The following QSER1 variants were observed in gnomAD, a reference collection of about 807,000 sequenced individuals.
QSER1 encodes glutamine and serine rich 1.
QSER1 carries 49 observed loss-of-function variants against 158.5 expected under a neutral mutation model. The observed-to-expected ratio is 0.31, with a 90% CI of 0.25 to 0.39. The LOEUF (loss-of-function observed/expected upper bound fraction) is 0.39. Ranked by LOEUF, QSER1 falls within the 10% of genes least tolerant of loss-of-function variation. The pLI is 1.00. For missense variants in QSER1, 1,754 were observed against 2,010.3 expected (o/e 0.87, Z 2.44); for synonymous variants, 650 against 715.5 (o/e 0.91, Z 1.46).
intron 10 of QSER1, among the ~76,000 whole-genome samples, 185 bp from the exon 11 acceptor site, chr11:32,973,212 G>A (rs1034602812): frequency 6.6e-6 from 1 of 152,098 alleles, no homozygotes; most frequent in Non-Finnish European, 1.5e-5. Context: ...CCCAACCTGT[G>A]TATGTATATG....
intron 1 of QSER1, among the ~76,000 whole-genome samples, chr11:32,923,088 A>C (rs1344442641): frequency 1.3e-5 from 2 of 152,212 alleles, no homozygotes; most frequent in African/African-American, 2.4e-5. Context: ...CTGTGGTACA[A>C]CCATGCAATG....
intron 8 of QSER1, among the ~76,000 whole-genome samples, chr11:32,965,988 A>ACACACACACACACACAC (rs1852739131): frequency 1.2e-4 from 4 of 33,942 alleles, no homozygotes; most frequent in African/African-American, 2.0e-4. Context: ...CACACACACG[A>ACACACACACACACACAC]ATCACCTAGG....
intron 12 of QSER1, chr11:32,975,700 CCTTA>C (rs1742380656): frequency 9.2e-7 from 1 of 1,091,418 alleles, no homozygotes; most frequent in Non-Finnish European, 1.1e-6. Flanking sequence ...CATCTCACTG[CCTTA>C]CTTATTACTT....
intron 1 of QSER1, among the ~76,000 whole-genome samples, chr11:32,911,633 G>A (rs117032357): frequency 0.019 from 2,963 of 152,178 alleles, 44 homozygotes; most frequent in South Asian, 0.038. Flanking sequence ...AGGAGTTCTC[G>A]TGAGATCTGA....
chr11:32,907,685 C>T (rs1023773648), intron 1 of QSER1, among the ~76,000 whole-genome samples: 2 of 152,188 alleles, frequency 1.3e-5, no homozygotes, highest in Admixed American at 1.3e-4. Context: ...TAAGAGATAA[C>T]CATCCAGGGC....
chr11:32,902,969 C>T (rs754189614), intron 1 of QSER1, among the ~76,000 whole-genome samples: 2 of 152,052 alleles, frequency 1.3e-5, no homozygotes, highest in East Asian at 1.9e-4. Flanking sequence ...CTTCAGAGAC[C>T]GTGCTATTAA....
chr11:32,952,682 T>C (rs1273030546), intron 4 of QSER1, among the ~76,000 whole-genome samples: 1 of 152,212 alleles, frequency 6.6e-6, no homozygotes, highest in Admixed American at 6.5e-5. Context: ...TCTTTAATTG[T>C]TGATAGAATT....
At chr11:32,963,104 A>C (rs1261861412) in intron 8 of QSER1, among the ~76,000 whole-genome samples, 2 of 152,208 alleles carry the variant, frequency 1.3e-5, no homozygotes, top group African/African-American at 4.8e-5. Flanking sequence ...TCAAGAATAG[A>C]AATTTCATAA....
In QSER1 at chr11:32,892,879, C is replaced by CCG; in HGVS notation, c.-244_-243dup. On this transcript the variant is annotated 5_prime_UTR_variant, in exon 1 of 13. It removes the in-frame stop codon of an upstream open reading frame in the 5' UTR. Transcript: ENST00000650167. ...CCGCCGCCGTCGCCGCGAGTCCCGG[C>CCG]CGCGGGTGCCTCCGCTTCCCTGACG... 6.8e-6 allele frequency among the ~76,000 whole-genome samples: 1 copy of CCG among 146,520 alleles called. No individual in the cohort carries two copies. The highest frequency in any genetic ancestry group is 2.1e-4 in the South Asian group (1 of 4,708).
intron 1 of QSER1, among the ~76,000 whole-genome samples, chr11:32,922,040 C>T (rs910223061): frequency 6.6e-6 from 1 of 152,092 alleles, no homozygotes; most frequent in African/African-American, 2.4e-5. Context: ...AACCATCGCA[C>T]ATTGAAATTT....
chr11:32,970,001 T>A (rs1275436964), intron 10 of QSER1, among the ~76,000 whole-genome samples: 1 of 152,194 alleles, frequency 6.6e-6, no homozygotes, highest in Non-Finnish European at 1.5e-5. Context: ...TTTATTTCAG[T>A]TGGAGAAAAG....
chr11:32,973,473 C>G lies in QSER1; in HGVS notation c.5282C>G (p.Ser1761Cys). 6.2e-7 allele frequency: 1 copy of G among 1,613,678 alleles called. No homozygotes were observed. The highest frequency in any genetic ancestry group is 8.5e-7 in the Non-Finnish European group (1 of 1,179,722). The change falls in exon 11 of 13, where the codon TCT (serine) becomes TGT (cysteine). Residue 1761 changes from serine (S) to cysteine (C), a missense_variant. By Grantham distance (112) the Ser-to-Cys change is moderately radical. Around this residue, in one of 2 missense-constraint regions of QSER1, gnomAD observed 1,707 missense variants for 1,919.6 expected, o/e 0.89. Transcript: ENST00000650167. ...SKAKSGGTAI[S>C]KIKMNGKAYN... ...GCAAAGAGTGGAGGAACTGCTATTT[C>G]TAAAATCAAAATGAATGGCAAAGCC...
chr11:32,904,936 G>A (rs1363949610), intron 1 of QSER1, among the ~76,000 whole-genome samples: 1 of 152,112 alleles, frequency 6.6e-6, no homozygotes, highest in South Asian at 2.1e-4. Context: ...TTTTTTGACA[G>A]TAGAACTTCA....
intron 1 of QSER1, among the ~76,000 whole-genome samples, chr11:32,907,912 C>T (rs1437053303): frequency 1.3e-5 from 2 of 152,160 alleles, no homozygotes; most frequent in Admixed American, 6.6e-5. Flanking sequence ...CCAGCTTGGG[C>T]AACATAGGGA....
intron 1 of QSER1, among the ~76,000 whole-genome samples, chr11:32,894,367 A>G (rs1176377516): frequency 6.6e-6 from 1 of 152,212 alleles, no homozygotes; most frequent in African/African-American, 2.4e-5. Flanking sequence ...CGAACAATAC[A>G]GAATCTGGTA....
intron 8 of QSER1, among the ~76,000 whole-genome samples, chr11:32,960,667 T>C (rs1852607591): frequency 6.6e-6 from 1 of 152,262 alleles, no homozygotes; most frequent in South Asian, 2.1e-4. Flanking sequence ...CAGTCTTGCC[T>C]ACTGCTTAGA....
intron 7 of QSER1, among the ~76,000 whole-genome samples, chr11:32,957,388 A>G (rs1048985448): frequency 4.7e-5 from 7 of 150,356 alleles, no homozygotes; most frequent in African/African-American, 1.7e-4. Flanking sequence ...TGATCCACCC[A>G]CCTCAGCCTC....
At chr11:32,954,718 C>G (rs1852482850) in intron 5 of QSER1, among the ~76,000 whole-genome samples, 2 of 152,062 alleles carry the variant, frequency 1.3e-5, no homozygotes, top group Admixed American at 1.3e-4. Flanking sequence ...TGGGATCATG[C>G]TATGTTGACC....
chr11:32,897,189 A>G (rs1418936041), intron 1 of QSER1, among the ~76,000 whole-genome samples: 1 of 152,190 alleles, frequency 6.6e-6, no homozygotes, highest in Non-Finnish European at 1.5e-5. Context: ...CATTCTTTTT[A>G]CCATCCTTTT....
Sources: gnomAD v4.1 joint callset for allele counts (sites outside exome capture counted in the v4.1 genomes callset) on GRCh38, gnomAD v4.1.1 for gene constraint, gnomAD v4.1.1 regional missense constraint, MANE v1.5 for transcripts, NCBI Gene and HGNC (gene_info 2026-07-23, HGNC 2026-07-21) for gene names.